FOXA1: variants seen among roughly 807,000 people sequenced by gnomAD.
FOXA1 encodes the protein forkhead box A1, also known as hepatocyte nuclear factor 3-alpha.
Under a neutral mutation model 29.2 loss-of-function variants are expected in FOXA1, and 9 were observed. The ratio of observed to expected loss-of-function variants is 0.31; its 90% CI spans 0.19 to 0.54. The LOEUF (loss-of-function observed/expected upper bound fraction) is 0.54, where lower values mean the gene tolerates loss of function less well. FOXA1 is among the 20% of genes least tolerant of loss of function. FOXA1 has a pLI of 0.95. For missense variants in FOXA1, 644 were observed against 681.2 expected, an observed-to-expected ratio of 0.95 and a Z score of 0.61; for synonymous variants, 340 against 300.9, an observed-to-expected ratio of 1.13 and a Z score of -1.34.
chr14:37,591,186 T>C lies in FOXA1; in HGVS notation c.*179A>G. 1.2e-6 allele frequency: 1 copy of C among 827,354 alleles called. No individual in the cohort carries two copies. Among genetic ancestry groups the C allele is most frequent in the Non-Finnish European group, 1.9e-6 (1 of 528,278 alleles). The allele number at this position is 827,354 out of a possible 1,614,324, so 51.3% of individuals were successfully genotyped here. A position where few individuals can be genotyped will look rare whatever the true frequency, so the allele number is the denominator to read the frequency against. On this transcript the variant is annotated 3_prime_UTR_variant, in exon 2 of 2. Transcript: ENST00000250448. ...TATACACAATGAATTTTGAATACAA[T>C]AATAAAGTAACAGTCTTTTGCACTG...
rs569824520 is a variant in FOXA1, at chr14:37,594,685, C to T, written c.72+216G>A. 112 of 243,384 alleles carry T rather than the reference C, an allele frequency of 4.6e-4. No individual in the cohort carries two copies. The Middle Eastern group carries it at 8.4e-3, about 18-fold the overall frequency. 15.1% of individuals were successfully genotyped at this position (243,384 alleles called of 1,614,324 possible). On this transcript the variant is annotated intron_variant, in intron 1 of 1. Coordinates refer to ENST00000250448, the MANE Select transcript of FOXA1 (RefSeq NM_004496.5). ...CCGGAGTTTCCTAAAACTCCCTCTC[C>T]GGCTGCGAGAGTCGGGACAGAGCAG... is the stretch of plus-strand genomic sequence containing the variant.
Position 37,590,183 on chromosome 14 carries a change from C to T in FOXA1, c.*1182G>A. On this transcript the variant is annotated 3_prime_UTR_variant, in exon 2 of 2. Transcript: ENST00000250448. ...TCAGCTGTAAAGAAAAAGAATAAAC[C>T]ATGCAATAAATTAACATTGAGAAAG... The T allele has an allele frequency of 4.3e-6, 1 of 231,454 alleles. No individual in the cohort carries two copies. The highest frequency in any genetic ancestry group is 8.6e-6 in the Non-Finnish European group (1 of 116,898). 14.3% of individuals were successfully genotyped at this position (231,454 alleles called of 1,614,324 possible).
rs2095594168 is a variant in FOXA1 at position 37,589,910 on chromosome 14, G to T, written c.*1455C>A. On this transcript the variant is annotated 3_prime_UTR_variant, in exon 2 of 2. Coordinates refer to ENST00000250448, the MANE Select transcript of FOXA1 (RefSeq NM_004496.5). Reference sequence around the variant, plus strand: ...TTTTTGTCATTTATATTCAGTTCTAGAATTTGAAAAATATCGTATTCAGAA... The same window carrying T: ...TTTTTGTCATTTATATTCAGTTCTATAATTTGAAAAATATCGTATTCAGAA... 4.3e-6 allele frequency: 1 copy of T among 231,126 alleles called. No homozygotes were observed. The highest frequency in any genetic ancestry group is 2.2e-5 in the African/African-American group (1 of 45,110). 14.3% of individuals were successfully genotyped at this position (231,126 alleles called of 1,614,324 possible).
At chr14:37,593,915 T>C (rs1057536) in intron 1 of FOXA1, 271,293 of 378,538 alleles carry the variant, frequency 0.72, 98,162 homozygotes, top group East Asian at 0.86. Flanking sequence ...AATTTGAAAA[T>C]ATGAGAACAA....
rs1594980814 is a variant in FOXA1 at position 37,595,048 on chromosome 14, G to A, written c.-76C>T. ...GGCGGCCGCGCGGCGCGGGGCGGGG[G>A]AGGGGAGCTGAGCAGCTGCAGTCAC... On this transcript the variant is annotated 5_prime_UTR_variant, in exon 1 of 2. Transcript: ENST00000250448. The A allele has an allele frequency of 7.3e-7, 1 of 1,377,140 alleles. No homozygotes were observed. Among genetic ancestry groups the A allele is most frequent in the Non-Finnish European group, 9.9e-7 (1 of 1,007,862 alleles). 85.3% of individuals were successfully genotyped at this position (1,377,140 alleles called of 1,614,324 possible). A position where few individuals can be genotyped will look rare whatever the true frequency, so the allele number is the denominator to read the frequency against.
chr14:37,593,715 T>C (rs1345180400), intron 1 of FOXA1, among the ~76,000 whole-genome samples: 4 of 152,186 alleles, frequency 2.6e-5, no homozygotes, highest in Non-Finnish European at 5.9e-5. Context: ...CAGAATTAAA[T>C]CTCTGGAAGA....
intron 1 of FOXA1, 56 bp downstream of exon 1, chr14:37,594,845 C>G: frequency 6.9e-7 from 1 of 1,455,612 alleles, no homozygotes; most frequent in Non-Finnish European, 9.2e-7. Context: ...CCCGGCCTCC[C>G]CCGGCACGGG....
Position 37,591,968 on chromosome 14 carries a change from C to A in FOXA1, c.816G>T (p.Pro272=). The A allele has an allele frequency of 2.6e-6, 4 of 1,554,704 alleles. No individual in the cohort carries two copies. Among genetic ancestry groups the A allele is most frequent in the Non-Finnish European group, 2.6e-6 (3 of 1,154,338 alleles). The stretch of plus-strand genomic sequence containing the variant: ...CGCTCCCGCCCCCGCCGCCGGCCCC[C>A]GGCTGCTTCTCGCACTTGAAGCGCT... ...RQKRFKCEKQ[P]GAGGGGGSGS... The change falls in exon 2 of 2, where the codon CCG becomes CCT. Residue 272 remains proline, a synonymous_variant. Coordinates refer to ENST00000250448, the MANE Select transcript of FOXA1 (RefSeq NM_004496.5).
chr14:37,594,161 G>C (rs1209627537), intron 1 of FOXA1: 1 of 1,288,424 alleles, frequency 7.8e-7, no homozygotes, highest in Non-Finnish European at 1.0e-6. Context: ...TTAAACTTTT[G>C]GAGGGTAATC....
At position 37,591,216 on chromosome 14, in the gene FOXA1, A is replaced by G; in HGVS notation, c.*149T>C. On this transcript the variant is annotated 3_prime_UTR_variant, in exon 2 of 2. Coordinates refer to ENST00000250448, the MANE Select transcript of FOXA1 (RefSeq NM_004496.5). ...AAGTAACAGTCTTTTGCACTGGGGGAAAGGTTGTGCATGAAAAATGAAATA... is the reference window on the plus strand; with the variant it reads ...AAGTAACAGTCTTTTGCACTGGGGGGAAGGTTGTGCATGAAAAATGAAATA... The G allele has an allele frequency of 7.3e-6, 7 of 952,980 alleles. No homozygotes were observed. The highest frequency in any genetic ancestry group is 1.1e-5 in the Non-Finnish European group (7 of 622,530). The allele number at this position is 952,980 out of a possible 1,614,324, so 59.0% of individuals were successfully genotyped here. A position where few individuals can be genotyped will look rare whatever the true frequency, so the allele number is the denominator to read the frequency against.
chr14:37,595,051 G>C lies in FOXA1; in HGVS notation c.-79C>G. On this transcript the variant is annotated 5_prime_UTR_variant, in exon 1 of 2. Coordinates refer to ENST00000250448, the MANE Select transcript of FOXA1 (RefSeq NM_004496.5). ...GGCCGCGCGGCGCGGGGCGGGGGAG[G>C]GGAGCTGAGCAGCTGCAGTCACCCG... 7.3e-7 allele frequency: 1 copy of C among 1,376,646 alleles called. No individual in the cohort carries two copies. Among genetic ancestry groups the C allele is most frequent in the South Asian group, 1.3e-5 (1 of 78,794 alleles). 85.3% of individuals were successfully genotyped at this position (1,376,646 alleles called of 1,614,324 possible). A position where few individuals can be genotyped will look rare whatever the true frequency, so the allele number is the denominator to read the frequency against.
In FOXA1 at chr14:37,591,969, G is replaced by T. The variant is rs1208147234; in HGVS notation, c.815C>A (p.Pro272Gln). 1 of 1,555,298 alleles carries T rather than the reference G, an allele frequency of 6.4e-7. No individual in the cohort carries two copies. Among genetic ancestry groups the T allele is most frequent in the East Asian group, 2.3e-5 (1 of 43,378 alleles). ...RQKRFKCEKQ[P>Q]GAGGGGGSGS... The stretch of plus-strand genomic sequence containing the variant: ...GCTCCCGCCCCCGCCGCCGGCCCCC[G>T]GCTGCTTCTCGCACTTGAAGCGCTT... The change falls in exon 2 of 2, where the codon CCG (proline) becomes CAG (glutamine). Residue 272 changes from proline (P) to glutamine (Q), a missense_variant. Around this residue, in one of 5 missense-constraint regions of FOXA1, gnomAD observed 295 missense variants for 294.4 expected, o/e 1.00. Coordinates refer to ENST00000250448, the MANE Select transcript of FOXA1 (RefSeq NM_004496.5).
At chr14:37,594,395 G>C (rs952039299) in intron 1 of FOXA1, 41 of 1,020,778 alleles carry the variant, frequency 4.0e-5, no homozygotes, top group Non-Finnish European at 4.8e-5. Flanking sequence ...CCCCAAATAG[G>C]GCTTTTGAAG....
At position 37,592,331 on chromosome 14, in the gene FOXA1, G is replaced by T; in HGVS notation, c.453C>A (p.Ser151Arg). 1 of 1,597,210 alleles carries T rather than the reference G, an allele frequency of 6.3e-7. No homozygotes were observed. The highest frequency in any genetic ancestry group is 1.1e-5 in the South Asian group (1 of 88,790). ...TGGCGTCGCCGCCGCCGCCCGCGCGGCTGCGGCCCAGGTTGGACGGCGCGT... is the reference window on the plus strand; with the variant it reads ...TGGCGTCGCCGCCGCCGCCCGCGCGTCTGCGGCCCAGGTTGGACGGCGCGT... The part of the protein sequence containing the change: ...MAYAPSNLGR[S>R]RAGGGGDAKT... The change falls in exon 2 of 2, where the codon AGC becomes AGA. Residue 151 changes from serine to arginine, a missense_variant. This residue lies in a region of FOXA1 where 309 missense variants were observed against 307.0 expected (regional missense o/e 1.01). Coordinates refer to ENST00000250448, the MANE Select transcript of FOXA1 (RefSeq NM_004496.5).
chr14:37,594,877 C>A (rs374253334), intron 1 of FOXA1, 24 bp downstream of exon 1: 11 of 1,548,474 alleles, frequency 7.1e-6, no homozygotes, highest in Non-Finnish European at 9.6e-6. Context: ...CCCCACCGGC[C>A]GCCCGCCTCG....
In FOXA1 at chr14:37,591,645, G is replaced by T. The variant is rs1292856826; in HGVS notation, c.1139C>A (p.Ala380Glu). 6.3e-7 allele frequency: 1 copy of T among 1,596,732 alleles called. No homozygotes were observed. Among genetic ancestry groups the T allele is most frequent in the African/African-American group, 1.3e-5 (1 of 74,628 alleles). ...VPASHPAHGLAPHESQLHLKG... is the reference protein window; with the variant it reads ...VPASHPAHGLEPHESQLHLKG... ...CAGGTGCAGCTGGGACTCGTGGGGT[G>T]CCAAGCCGTGTGCCGGGTGAGAGGC... The change falls in exon 2 of 2, where the codon GCA becomes GAA. Residue 380 changes from alanine (A) to glutamate (E), a missense_variant. By Grantham distance (107) the Ala-to-Glu change is moderately radical. This residue lies in a region of FOXA1 where 295 missense variants were observed against 294.4 expected (regional missense o/e 1.00). Coordinates refer to ENST00000250448, the MANE Select transcript of FOXA1 (RefSeq NM_004496.5).
At position 37,590,114 on chromosome 14, in the gene FOXA1, A is replaced by G. The variant is rs2095594303; in HGVS notation, c.*1251T>C. 1 of 231,958 alleles carries G rather than the reference A, an allele frequency of 4.3e-6. No individual in the cohort carries two copies. Among genetic ancestry groups the G allele is most frequent in the African/African-American group, 2.2e-5 (1 of 45,306 alleles). The allele number at this position is 231,958 out of a possible 1,614,324, so 14.4% of individuals were successfully genotyped here. On this transcript the variant is annotated 3_prime_UTR_variant, in exon 2 of 2. Transcript: ENST00000250448. ...TTTAATTACAATCACATTGATAAAAATTAACAATTTAATTTGTAATTTTAA... is the reference window on the plus strand; with the variant it reads ...TTTAATTACAATCACATTGATAAAAGTTAACAATTTAATTTGTAATTTTAA...
At position 37,592,731 on chromosome 14, in the gene FOXA1, T is replaced by C; in HGVS notation, c.73-20A>G. The C allele has an allele frequency of 8.7e-6, 14 of 1,606,956 alleles. No homozygotes were observed. Among genetic ancestry groups the C allele is most frequent in the Non-Finnish European group, 1.2e-5 (14 of 1,179,832 alleles). ...GTAGGCCTGGAGTGGAGACAGCGAG[T>C]GAAGAAGCCCCGGAGGGCGGGGTTA... On this transcript the variant is annotated intron_variant, in intron 1 of 1. Transcript: ENST00000250448.
rs2139180898 is a variant in FOXA1, at chr14:37,591,825, A to C, written c.959T>G (p.Leu320Arg). 1 of 1,456,916 alleles carries C rather than the reference A, an allele frequency of 6.9e-7. No homozygotes were observed. Among genetic ancestry groups the C allele is most frequent in the Non-Finnish European group, 9.0e-7 (1 of 1,109,364 alleles). The allele number at this position is 1,456,916 out of a possible 1,614,324, so 90.2% of individuals were successfully genotyped here. A position where few individuals can be genotyped will look rare whatever the true frequency, so the allele number is the denominator to read the frequency against. ...HRGVHGKTGQLEGAPAPGPAA... is the reference protein window; with the variant it reads ...HRGVHGKTGQREGAPAPGPAA... ...GGGCCCGGGGGCCGGCGCGCCCTCT[A>C]GCTGGCCGGTCTTCCCGTGCACACC... Residue 320 changes from leucine to arginine, a missense_variant, in exon 2 of 2, where the codon CTA (leucine) becomes CGA (arginine). Transcript: ENST00000250448.
Sources: allele counts gnomAD v4.1 joint callset (sites outside exome capture counted in the v4.1 genomes callset), GRCh38; gene constraint gnomAD v4.1.1; regional missense constraint gnomAD v4.1.1; transcripts MANE v1.5; gene names NCBI Gene and HGNC (gene_info 2026-07-23, HGNC 2026-07-21).